PTPRD: variants seen among roughly 807,000 people sequenced by gnomAD.
The protein encoded by PTPRD is receptor-type tyrosine-protein phosphatase delta.
PTPRD carries 34 observed loss-of-function variants against 214.5 expected under a neutral mutation model. That is an observed-to-expected ratio of 0.16 (90% CI 0.12 to 0.21). PTPRD has a LOEUF of 0.21. PTPRD is among the 10% of genes least tolerant of loss of function. The pLI, the probability that PTPRD is intolerant of heterozygous loss-of-function variation, is 1.00. For synonymous variants in PTPRD, 1,128 were observed against 845.7 expected (o/e 1.33, Z -5.79); for missense variants, 2,545 against 2,398.7 (o/e 1.06, Z -1.27).
intron 8 of PTPRD, among the ~76,000 whole-genome samples, chr9:9,489,952 G>C (rs559076824): frequency 6.6e-5 from 10 of 152,076 alleles, no homozygotes; most frequent in Admixed American, 6.6e-4. Context: ...CATCAAGACA[G>C]GTTGTCAACA....
chr9:8,536,537 G>C (rs1003593736), intron 14 of PTPRD, among the ~76,000 whole-genome samples: 2 of 151,934 alleles, frequency 1.3e-5, no homozygotes, highest in Admixed American at 6.6e-5. Flanking sequence ...TGCCATGTCT[G>C]TTAGCCAGTA....
At chr9:9,564,892 T>G (rs978663793) in intron 8 of PTPRD, among the ~76,000 whole-genome samples, 2 of 132,870 alleles carry the variant, frequency 1.5e-5, no homozygotes, top group African/African-American at 6.0e-5. Context: ...CTGTTTTTTT[T>G]TTTTTTTTTT....
chr9:9,357,235 G>C (rs964537749), intron 9 of PTPRD, among the ~76,000 whole-genome samples: 1 of 151,370 alleles, frequency 6.6e-6, no homozygotes, highest in African/African-American at 2.4e-5. Flanking sequence ...CTGGAATAAA[G>C]GATGATGTGC....
chr9:8,500,563 A>G (rs2097375952), intron 24 of PTPRD, among the ~76,000 whole-genome samples, 191 bp downstream of exon 24: 7 of 133,610 alleles, frequency 5.2e-5, no homozygotes, highest in African/African-American at 1.1e-4. Context: ...AAAATGAAAA[A>G]AAAAAAAAAA....
At chr9:9,422,387 G>A (rs2079136356) in intron 8 of PTPRD, among the ~76,000 whole-genome samples, 1 of 152,036 alleles carries the variant, frequency 6.6e-6, no homozygotes, top group Admixed American at 6.6e-5. Flanking sequence ...AGCTATGATG[G>A]AGTAGCTTGT....
In PTPRD at chr9:8,503,181, A is replaced by T. The variant is rs1042321047; in HGVS notation, c.1822+1080T>A. ...AAATTTTATTATCAAAAAACCCTGA[A>T]AGTTTTCAAGTTTCTATAGAAAATG... is the stretch of plus-strand genomic sequence containing the variant. On this transcript the variant is annotated intron_variant, in intron 23 of 45. Transcript: ENST00000381196. 3.9e-5 allele frequency among the ~76,000 whole-genome samples: 6 copies of T among 151,990 alleles called. No homozygotes were observed. In the East Asian group the frequency reaches 1.2e-3, roughly 29 times the overall value.
chr9:8,900,015 ATTTT>A (rs1237187898), intron 11 of PTPRD, among the ~76,000 whole-genome samples: 3 of 152,132 alleles, frequency 2.0e-5, no homozygotes, highest in Non-Finnish European at 2.9e-5. Flanking sequence ...TCTTTCTTAA[ATTTT>A]TTACTAAAAT....
At chr9:8,906,862 C>T (rs2098711427) in intron 11 of PTPRD, among the ~76,000 whole-genome samples, 2 of 152,082 alleles carry the variant, frequency 1.3e-5, no homozygotes, top group Admixed American at 1.3e-4. Flanking sequence ...AAACTCTACA[C>T]ATCCCCGGCT....
At chr9:8,940,936 T>G (rs373072638) in intron 11 of PTPRD, among the ~76,000 whole-genome samples, 3 of 152,084 alleles carry the variant, frequency 2.0e-5, no homozygotes, top group African/African-American at 7.2e-5. Context: ...TTGCACCACT[T>G]AAAAGACTTA....
At chr9:9,426,801 G>A (rs146446011) in intron 8 of PTPRD, among the ~76,000 whole-genome samples, 6,179 of 152,206 alleles carry the variant, frequency 0.041, 285 homozygotes, top group African/African-American at 0.12. Flanking sequence ...AACAGGGACT[G>A]GAGTGGACCT....
In PTPRD at chr9:10,612,877, G is replaced by T. The variant is rs959779340; in HGVS notation, c.-897C>A. Among the ~76,000 whole-genome samples, 3 of 151,932 alleles carry T rather than the reference G, an allele frequency of 2.0e-5. No individual in the cohort carries two copies. Among genetic ancestry groups the T allele is most frequent in the African/African-American group, 7.2e-5 (3 of 41,416 alleles). On this transcript the variant is annotated 5_prime_UTR_variant, in exon 1 of 46. Transcript: ENST00000381196. ...CAAGGAGGAGGCGAGGCTCTGTCGG[G>T]GCGAGGCGCTGCCCCCACGCGCTCC...
intron 2 of PTPRD, among the ~76,000 whole-genome samples, chr9:10,382,020 C>A (rs1346150824): frequency 1.5e-4 from 23 of 151,832 alleles, no homozygotes; most frequent in Admixed American, 1.5e-3. Context: ...AAAACTGAAC[C>A]TTTCTTACAT....
chr9:8,948,548 T>C (rs1308819360), intron 11 of PTPRD, among the ~76,000 whole-genome samples: 1 of 88,570 alleles, frequency 1.1e-5, no homozygotes, highest in Non-Finnish European at 2.1e-5. Context: ...TATATTTATA[T>C]ATATTTATAT....
intron 11 of PTPRD, among the ~76,000 whole-genome samples, chr9:8,738,158 T>C (rs1331151331): frequency 2.6e-5 from 4 of 152,210 alleles, no homozygotes; most frequent in Non-Finnish European, 5.9e-5. Flanking sequence ...AACTAACAGT[T>C]CAGAGGGCAA....
chr9:10,373,928 T>C (rs999888948), intron 2 of PTPRD, among the ~76,000 whole-genome samples: 2 of 152,102 alleles, frequency 1.3e-5, no homozygotes, highest in African/African-American at 2.4e-5. Flanking sequence ...CATGTTCCTT[T>C]AGGTTGTTGA....
At chr9:9,398,901 T>C (rs1179814224) in intron 8 of PTPRD, among the ~76,000 whole-genome samples, 4 of 151,986 alleles carry the variant, frequency 2.6e-5, no homozygotes. Flanking sequence ...ATAATAACAT[T>C]GCCTTGTTGC....
chr9:8,662,383 C>G (rs1018916868), intron 12 of PTPRD, among the ~76,000 whole-genome samples: 6 of 152,114 alleles, frequency 3.9e-5, no homozygotes, highest in African/African-American at 1.4e-4. Context: ...AGGAAGAACA[C>G]CAATCTTGGG....
At chr9:10,185,594 T>C (rs1593459115) in intron 3 of PTPRD, among the ~76,000 whole-genome samples, 1 of 152,192 alleles carries the variant, frequency 6.6e-6, no homozygotes, top group Non-Finnish European at 1.5e-5. Flanking sequence ...TCTAATGTTA[T>C]ACGGCTAATA....
chr9:8,618,898 T>TGTC (rs2095706925), intron 14 of PTPRD, among the ~76,000 whole-genome samples: 1 of 117,032 alleles, frequency 8.5e-6, no homozygotes, highest in Non-Finnish European at 1.8e-5. Flanking sequence ...GTGTGTGTGT[T>TGTC]TGTCTGTGTT....
Sources: allele counts gnomAD v4.1 joint callset (sites outside exome capture counted in the v4.1 genomes callset), GRCh38; gene constraint gnomAD v4.1.1; transcripts MANE v1.5; gene names NCBI Gene and HGNC (gene_info 2026-07-23, HGNC 2026-07-21).